MACROD1: variants seen among roughly 807,000 people sequenced by gnomAD.
MACROD1 encodes ADP-ribose glycohydrolase MACROD1.
MACROD1 carries 31 observed loss-of-function variants against 41.4 expected under a neutral mutation model. That is an observed-to-expected ratio of 0.75 (90% CI 0.56 to 1.01). MACROD1 has a LOEUF of 1.01. MACROD1 is among the 50% of genes least tolerant of loss of function. MACROD1 has a pLI of 0.00. For missense variants in MACROD1, 473 were observed against 460.0 expected (o/e 1.03, Z -0.26); for synonymous variants, 252 against 203.4 (o/e 1.24, Z -2.03).
intron 3 of MACROD1, among the ~76,000 whole-genome samples, chr11:64,020,980 G>A (rs1456094887): frequency 2.0e-5 from 3 of 152,078 alleles, no homozygotes; most frequent in African/African-American, 7.2e-5. Flanking sequence ...GTCTCCCAAA[G>A]CGCTAGGATT....
chr11:64,158,390 A>G (rs1034010966), intron 1 of MACROD1, among the ~76,000 whole-genome samples: 29 of 152,080 alleles, frequency 1.9e-4, no homozygotes, highest in Non-Finnish European at 5.9e-5. Flanking sequence ...ATATAAAATC[A>G]TTTCTTTTCT....
In MACROD1 at chr11:64,057,008, G is replaced by A. The variant is rs191529752; in HGVS notation, c.518-41727C>T. Reference sequence around the variant, plus strand: ...GCCCTTCCTTTCAGCTTCTGCGCCCGTGTCACCCCCCTAAGCAAGCCTGCC... The same window carrying A: ...GCCCTTCCTTTCAGCTTCTGCGCCCATGTCACCCCCCTAAGCAAGCCTGCC... On this transcript the variant is annotated intron_variant, in intron 3 of 10. Transcript: ENST00000255681. 4.6e-5 allele frequency among the ~76,000 whole-genome samples: 7 copies of A among 152,250 alleles called. 1 individual carries two copies. Among genetic ancestry groups the A allele is most frequent in the African/African-American group, 1.7e-4 (7 of 41,560 alleles).
chr11:64,139,829 G>A (rs7948329), intron 3 of MACROD1, among the ~76,000 whole-genome samples: 89,132 of 151,418 alleles, frequency 0.59, 26,432 homozygotes, highest in East Asian at 0.66. Flanking sequence ...GGTGGCGGGC[G>A]CCTGTAATCC....
At chr11:64,140,043 G>A (rs554407360) in intron 3 of MACROD1, among the ~76,000 whole-genome samples, 5 of 151,944 alleles carry the variant, frequency 3.3e-5, no homozygotes, top group African/African-American at 1.2e-4. Flanking sequence ...AGCAGCCACT[G>A]CCCTGGCCTC....
At chr11:63,999,213 A>G (rs1049238190) in intron 8 of MACROD1, 118 bp downstream of exon 8, 13 of 1,397,544 alleles carry the variant, frequency 9.3e-6, no homozygotes, top group Admixed American at 2.0e-5. Context: ...CAGGAGAAAC[A>G]GGGAAGGAAG....
intron 1 of MACROD1, among the ~76,000 whole-genome samples, chr11:64,157,089 T>A (rs1478369934): frequency 6.6e-6 from 1 of 152,046 alleles, no homozygotes; most frequent in African/African-American, 2.4e-5. Context: ...CACGCATTTC[T>A]GTGTTTTTTT....
chr11:64,142,189 T>TC (rs937490739), intron 3 of MACROD1, among the ~76,000 whole-genome samples: 1 of 152,154 alleles, frequency 6.6e-6, no homozygotes, highest in Non-Finnish European at 1.5e-5. Flanking sequence ...GTGCAGCCCC[T>TC]CCCACCATCT....
At chr11:64,140,865 T>G (rs1484303247) in intron 3 of MACROD1, among the ~76,000 whole-genome samples, 2 of 152,222 alleles carry the variant, frequency 1.3e-5, no homozygotes, top group African/African-American at 2.4e-5. Context: ...CCAGGCACAG[T>G]GGCTCATGCC....
chr11:64,004,308 G>A (rs897333883), intron 4 of MACROD1, among the ~76,000 whole-genome samples: 1 of 152,254 alleles, frequency 6.6e-6, no homozygotes, highest in African/African-American at 2.4e-5. Flanking sequence ...AGCCAGCAGA[G>A]GCGGAAGGCA....
intron 3 of MACROD1, among the ~76,000 whole-genome samples, chr11:64,051,899 G>A (rs539783714): frequency 7.9e-5 from 12 of 152,106 alleles, no homozygotes; most frequent in African/African-American, 2.4e-4. Flanking sequence ...TTCCTCTCTC[G>A]GGGGCTGCAA....
In MACROD1 at chr11:64,082,517, G is replaced by C. The variant is rs376336011; in HGVS notation, c.518-67236C>G. Among the ~76,000 whole-genome samples the C allele has an allele frequency of 1.7e-4, 26 of 152,168 alleles. No individual in the cohort carries two copies. The East Asian group carries it at 2.3e-3, about 14-fold the overall frequency. ...GGTCCCAGGGGGTGAAACAAGGCTC[G>C]GTGCCTAACGGTGGTGGCCGTGGGA... is the stretch of plus-strand genomic sequence containing the variant. On this transcript the variant is annotated intron_variant, in intron 3 of 10. Transcript: ENST00000255681. The surrounding 1 kb of genome is among the most constrained non-coding windows in gnomAD (Gnocchi z 4.5).
At chr11:64,140,735 A>G (rs1472647138) in intron 3 of MACROD1, among the ~76,000 whole-genome samples, 1 of 152,240 alleles carries the variant, frequency 6.6e-6, no homozygotes, top group Non-Finnish European at 1.5e-5. Context: ...CCTGTTTTAC[A>G]GACAAGAAAA....
chr11:64,000,981 G>C, intron 4 of MACROD1: 1 of 180,002 alleles, frequency 5.6e-6, no homozygotes, highest in Non-Finnish European at 1.2e-5. Flanking sequence ...CGAGTCTCCT[G>C]GCGCGCAAAC....
intron 3 of MACROD1, among the ~76,000 whole-genome samples, chr11:64,029,625 C>T (rs1266901363): frequency 2.0e-5 from 3 of 152,112 alleles, no homozygotes; most frequent in African/African-American, 7.2e-5. Context: ...GAGGCCCTTC[C>T]CAGCCCACCC....
intron 3 of MACROD1, among the ~76,000 whole-genome samples, chr11:64,080,060 T>G (rs1944275737): frequency 6.6e-6 from 1 of 152,214 alleles, no homozygotes; most frequent in South Asian, 2.1e-4. Flanking sequence ...TCGCCCAGGC[T>G]GGAGTGCAAT....
At chr11:64,154,507 A>G (rs748596641) in intron 1 of MACROD1, among the ~76,000 whole-genome samples, 4 of 151,996 alleles carry the variant, frequency 2.6e-5, no homozygotes, top group Non-Finnish European at 5.9e-5. Flanking sequence ...CTTGACCGGC[A>G]GCCATGGATC....
intron 3 of MACROD1, among the ~76,000 whole-genome samples, chr11:64,022,867 A>AT (rs922794608): frequency 0.28 from 25,277 of 90,762 alleles, 4,250 homozygotes; most frequent in Non-Finnish European, 0.3. Flanking sequence ...TTCCACATGG[A>AT]TTTTTTTTTT....
At chr11:64,136,008 G>A (rs577884055) in intron 3 of MACROD1, among the ~76,000 whole-genome samples, 2 of 152,198 alleles carry the variant, frequency 1.3e-5, no homozygotes, top group African/African-American at 4.8e-5. Context: ...CCCGATGGAC[G>A]TCCTAGGCAG....
At chr11:64,150,420 C>G (rs1427401271) in intron 3 of MACROD1, among the ~76,000 whole-genome samples, 1 of 152,178 alleles carries the variant, frequency 6.6e-6, no homozygotes, top group East Asian at 1.9e-4. Context: ...TGAGCTGGAG[C>G]CCAAGACGAG....
Sources: gnomAD v4.1 joint callset for allele counts (sites outside exome capture counted in the v4.1 genomes callset) on GRCh38, gnomAD v4.1.1 for gene constraint, Gnocchi (gnomAD v3.1) non-coding constraint, MANE v1.5 for transcripts, NCBI Gene and HGNC (gene_info 2026-07-23, HGNC 2026-07-21) for gene names.